Variants in ATXN8OS observed in about 807,000 individuals in gnomAD.
ATXN8OS encodes the protein ATXN8 opposite strand lncRNA.
intron 3 of ATXN8OS, among the ~76,000 whole-genome samples, chr13:70,138,252 A>C (rs1208347756): frequency 6.6e-6 from 1 of 152,052 alleles, no homozygotes; most frequent in African/African-American, 2.4e-5. Context: ...AATTTAATTC[A>C]GTTACTTGTA....
intron 3 of ATXN8OS, among the ~76,000 whole-genome samples, chr13:70,144,784 G>A (rs768154347): frequency 3.9e-5 from 6 of 152,036 alleles, no homozygotes; most frequent in Non-Finnish European, 8.8e-5. Flanking sequence ...TCATCTAAGT[G>A]ACCCACTCCT....
At chr13:70,138,074 A>G (rs1213574383) in intron 3 of ATXN8OS, among the ~76,000 whole-genome samples, 1 of 152,204 alleles carries the variant, frequency 6.6e-6, no homozygotes, top group African/African-American at 2.4e-5. Flanking sequence ...ACGTGATCCA[A>G]TCACTTTCCA....
At chr13:70,110,648 C>A (rs1270520156) in intron 1 of ATXN8OS, among the ~76,000 whole-genome samples, 3 of 151,882 alleles carry the variant, frequency 2.0e-5, no homozygotes, top group Non-Finnish European at 4.4e-5. Flanking sequence ...GATATTATGG[C>A]TTAACCTGGC....
chr13:70,158,248 T>C (rs916152190), intron 4 of ATXN8OS, among the ~76,000 whole-genome samples: 2 of 152,014 alleles, frequency 1.3e-5, no homozygotes, highest in East Asian at 3.9e-4. Flanking sequence ...TGAAACCCTG[T>C]CTCTACTAAA....
At chr13:70,128,535 A>G (rs1566598773) in intron 2 of ATXN8OS, among the ~76,000 whole-genome samples, 1 of 145,676 alleles carries the variant, frequency 6.9e-6, no homozygotes, top group African/African-American at 2.6e-5. Context: ...TATTGACTTG[A>G]GCTTAAAAAT....
At chr13:70,119,752 CTCAG>C (rs1401974963) in intron 2 of ATXN8OS, among the ~76,000 whole-genome samples, 2 of 152,024 alleles carry the variant, frequency 1.3e-5, no homozygotes, top group African/African-American at 2.4e-5. Flanking sequence ...GAAGTCAAAA[CTCAG>C]TCAAACCTTT....
intron 2 of ATXN8OS, among the ~76,000 whole-genome samples, chr13:70,116,246 G>C (rs1038657607): frequency 2.0e-5 from 3 of 151,742 alleles, no homozygotes; most frequent in Non-Finnish European, 4.4e-5. Context: ...TCAACAAATA[G>C]TAAGTGTATC....
At chr13:70,161,654 A>G (rs1161151389) in intron 4 of ATXN8OS, among the ~76,000 whole-genome samples, 1 of 152,074 alleles carries the variant, frequency 6.6e-6, no homozygotes, top group African/African-American at 2.4e-5. Context: ...TATTTTCTGT[A>G]TTCTTGCATG....
At chr13:70,164,315 C>G (rs978365764) in intron 4 of ATXN8OS, among the ~76,000 whole-genome samples, 7 of 151,474 alleles carry the variant, frequency 4.6e-5, no homozygotes, top group Non-Finnish European at 1.0e-4. Flanking sequence ...TTATCCCTCT[C>G]CCCTCTTTAC....
chr13:70,150,172 A>G (rs1267930939), intron 4 of ATXN8OS, among the ~76,000 whole-genome samples: 2 of 152,064 alleles, frequency 1.3e-5, no homozygotes, highest in African/African-American at 2.4e-5. Context: ...CCTATCCTAA[A>G]TTCATATTCA....
intron 1 of ATXN8OS, among the ~76,000 whole-genome samples, chr13:70,114,648 T>C (rs1888248031): frequency 6.6e-6 from 1 of 152,132 alleles, no homozygotes; most frequent in Non-Finnish European, 1.5e-5. Context: ...TTATACATCA[T>C]ATTATTATTT....
Position 70,150,555 on chromosome 13 carries a change from G to A in ATXN8OS, n.573+3127G>A, listed in dbSNP as rs182437864. Among the ~76,000 whole-genome samples the A allele has an allele frequency of 1.3e-4, 20 of 152,128 alleles. No homozygotes were observed. The East Asian group carries it at 3.9e-3, about 29-fold the overall frequency. On this transcript the variant is annotated intron_variant and non_coding_transcript_variant, in intron 4 of 4. Transcript: ENST00000678624. ...TGTAGACCCAGCTCCCAATGTCTGGGTATATATACTCTAGGAGAAGTGGTA... is the reference window on the plus strand; with the variant it reads ...TGTAGACCCAGCTCCCAATGTCTGGATATATATACTCTAGGAGAAGTGGTA...
chr13:70,112,997 A>G (rs1285415842), intron 1 of ATXN8OS, among the ~76,000 whole-genome samples: 1 of 140,316 alleles, frequency 7.1e-6, no homozygotes, highest in Admixed American at 8.0e-5. Flanking sequence ...ATTCCTGCTC[A>G]CTGCAACCTT....
At chr13:70,158,397 G>A (rs1432905735) in intron 4 of ATXN8OS, among the ~76,000 whole-genome samples, 2 of 152,090 alleles carry the variant, frequency 1.3e-5, no homozygotes, top group African/African-American at 2.4e-5. Context: ...CAGCCTGGGC[G>A]ACAGGCAAGA....
chr13:70,122,531 G>A lies in ATXN8OS; in HGVS notation n.398+7233G>A, dbSNP rs77014377. Among the ~76,000 whole-genome samples, 690 of 152,028 alleles carry A rather than the reference G, an allele frequency of 4.5e-3. 9 individuals are homozygous for A. The highest frequency in any genetic ancestry group is 0.015 in the African/African-American group (634 of 41,514). On this transcript the variant is annotated intron_variant and non_coding_transcript_variant, in intron 2 of 4. Transcript: ENST00000678624. Reference sequence around the variant, plus strand: ...ATCTACATCAAAATTATCTCAAAGAGAAGATTCATAAAACAAATGTGTACG... The same window carrying A: ...ATCTACATCAAAATTATCTCAAAGAAAAGATTCATAAAACAAATGTGTACG...
At chr13:70,115,294 C>G in exon 2 of ATXN8OS, 1 of 398,180 alleles carries the variant, frequency 2.5e-6, no homozygotes, top group Non-Finnish European at 4.4e-6. Context: ...ACAGAACCTA[C>G]TCCTGTAAGT....
intron 3 of ATXN8OS, among the ~76,000 whole-genome samples, chr13:70,134,921 C>T (rs999535190): frequency 6.6e-5 from 10 of 152,196 alleles, no homozygotes; most frequent in African/African-American, 2.4e-4. Context: ...GAAAAGATAT[C>T]CCCACACGAG....
At chr13:70,129,973 AACT>A in intron 3 of ATXN8OS, 1 of 397,266 alleles carries the variant, frequency 2.5e-6, no homozygotes. Context: ...ATGGTGGATC[AACT>A]ACATGTTAGT....
intron 1 of ATXN8OS, among the ~76,000 whole-genome samples, chr13:70,111,249 GC>G (rs1164956287): frequency 6.6e-6 from 1 of 152,154 alleles, no homozygotes; most frequent in Admixed American, 6.5e-5. Flanking sequence ...AGCAAAATTG[GC>G]TTTGGATCTG....
Sources: allele counts gnomAD v4.1 joint callset (sites outside exome capture counted in the v4.1 genomes callset), GRCh38; gene constraint gnomAD v4.1.1; transcripts MANE v1.5; gene names NCBI Gene and HGNC (gene_info 2026-07-23, HGNC 2026-07-21).